PXDNL: variants seen among roughly 807,000 people sequenced by gnomAD.
PXDNL encodes peroxidasin like, also known as probable oxidoreductase PXDNL.
A neutral mutation model predicts 150.8 loss-of-function variants in PXDNL; 145 were observed. The ratio of observed to expected loss-of-function variants is 0.96; its 90% CI spans 0.84 to 1.10. The LOEUF is 1.10. PXDNL is among the 50% of genes least tolerant of loss of function. The pLI is 0.00. For synonymous variants in PXDNL, 757 were observed against 725.7 expected (o/e 1.04, Z -0.69); for missense variants, 2,087 against 1,873.9 (o/e 1.11, Z -2.10).
At chr8:51,683,164 C>T (rs866340687) in intron 1 of PXDNL, among the ~76,000 whole-genome samples, 12 of 44,448 alleles carry the variant, frequency 2.7e-4, no homozygotes, top group Admixed American at 1.0e-3. Flanking sequence ...AATTGTCTTT[C>T]ATATATATAT....
At chr8:51,694,097 C>A (rs996419251) in intron 1 of PXDNL, among the ~76,000 whole-genome samples, 2 of 152,170 alleles carry the variant, frequency 1.3e-5, no homozygotes, top group Non-Finnish European at 2.9e-5. Context: ...TAGTATCCTG[C>A]GGAAAAATGC....
In PXDNL at chr8:51,411,411, C is replaced by A. The variant is rs746227915; in HGVS notation, c.1905-4G>T. 5 of 1,568,528 alleles carry A rather than the reference C, an allele frequency of 3.2e-6. No homozygotes were observed. The African/African-American group carries it at 4.2e-5, about 13-fold the overall frequency. ...GTCACTGGAGGTGTGAGGTTTTCTG[C>A]AAATGACAAAACACATGATTCTTTA... On this transcript the variant is annotated splice_polypyrimidine_tract_variant and splice_region_variant and intron_variant, in intron 15 of 22. Transcript: ENST00000356297.
At position 51,411,507 on chromosome 8, in the gene PXDNL, G is replaced by C. The variant is rs578102343; in HGVS notation, c.1905-100C>G. 2.6e-3 allele frequency: 2,929 copies of C among 1,109,032 alleles called. 24 individuals carry two copies. Among genetic ancestry groups the C allele is most frequent in the South Asian group, 0.021 (988 of 46,664 alleles). The allele number at this position is 1,109,032 out of a possible 1,614,324, so 68.7% of individuals were successfully genotyped here. A position where few individuals can be genotyped will look rare whatever the true frequency, so the allele number is the denominator to read the frequency against. Reference sequence around the variant, plus strand: ...TTAAAAAGGCATTTCCCAAACATTCGAGAAGAATGAAAGCTCCACCACTAC... The same window carrying C: ...TTAAAAAGGCATTTCCCAAACATTCCAGAAGAATGAAAGCTCCACCACTAC... On this transcript the variant is annotated intron_variant, in intron 15 of 22. Coordinates refer to ENST00000356297, the MANE Select transcript of PXDNL (RefSeq NM_144651.5).
At chr8:51,405,059 C>A (rs993262587) in intron 17 of PXDNL, among the ~76,000 whole-genome samples, 3 of 152,188 alleles carry the variant, frequency 2.0e-5, no homozygotes, top group African/African-American at 7.2e-5. Context: ...GTGCTAAGCC[C>A]CTCACTGCCT....
chr8:51,658,344 G>GAAAAAA (rs34771782), intron 1 of PXDNL, among the ~76,000 whole-genome samples: 61 of 94,144 alleles, frequency 6.5e-4, no homozygotes, highest in African/African-American at 7.9e-4. Flanking sequence ...CCTGTCTCAA[G>GAAAAAA]AAAAAAAAAA....
chr8:51,468,751 A>C (rs931456042), intron 8 of PXDNL, among the ~76,000 whole-genome samples: 4 of 151,868 alleles, frequency 2.6e-5, no homozygotes, highest in Admixed American at 6.6e-5. Context: ...ATTCCATCTT[A>C]ATTGTTAATA....
intron 17 of PXDNL, among the ~76,000 whole-genome samples, chr8:51,394,231 G>C (rs551259466): frequency 1.3e-4 from 20 of 152,322 alleles, no homozygotes; most frequent in African/African-American, 4.1e-4. Flanking sequence ...TACAGAATGA[G>C]AGGTGATATA....
intron 1 of PXDNL, among the ~76,000 whole-genome samples, chr8:51,719,562 T>G (rs10093940): frequency 0.011 from 1,613 of 152,142 alleles, 25 homozygotes; most frequent in African/African-American, 0.032. Context: ...CTTGTTTATC[T>G]GCTGACTTTC....
At chr8:51,766,418 G>C (rs1379294134) in intron 1 of PXDNL, among the ~76,000 whole-genome samples, 2 of 152,174 alleles carry the variant, frequency 1.3e-5, no homozygotes, top group African/African-American at 2.4e-5. Context: ...TACCTATGTA[G>C]TATACTTTGC....
At chr8:51,330,376 C>A (rs1213432294) in intron 21 of PXDNL, among the ~76,000 whole-genome samples, 1 of 137,920 alleles carries the variant, frequency 7.3e-6, no homozygotes, top group African/African-American at 3.0e-5. Flanking sequence ...AATCTAAGAA[C>A]TACAGGGCAA....
intron 19 of PXDNL, among the ~76,000 whole-genome samples, chr8:51,355,054 A>G (rs1303077928): frequency 6.6e-6 from 1 of 152,168 alleles, no homozygotes; most frequent in African/African-American, 2.4e-5. Context: ...AGATGTCCTT[A>G]TGGTGTTCTA....
At chr8:51,701,203 C>T (rs1816251806) in intron 1 of PXDNL, among the ~76,000 whole-genome samples, 1 of 152,058 alleles carries the variant, frequency 6.6e-6, no homozygotes, top group Admixed American at 6.6e-5. Flanking sequence ...AATTCAGTTG[C>T]TAGCATTTAC....
chr8:51,547,150 C>G (rs545934664), intron 4 of PXDNL, among the ~76,000 whole-genome samples: 1 of 152,256 alleles, frequency 6.6e-6, no homozygotes, highest in South Asian at 2.1e-4. Flanking sequence ...CCTATCCTGA[C>G]CAATGTAGGG....
chr8:51,641,207 AG>A (rs1377011949), intron 2 of PXDNL, among the ~76,000 whole-genome samples: 1 of 138,300 alleles, frequency 7.2e-6, no homozygotes, highest in Non-Finnish European at 1.5e-5. Context: ...AATTAATTCA[AG>A]ATGGATTAAA....
chr8:51,622,829 C>G (rs1056619397), intron 2 of PXDNL, among the ~76,000 whole-genome samples: 2 of 152,222 alleles, frequency 1.3e-5, no homozygotes, highest in African/African-American at 4.8e-5. Flanking sequence ...TGGGCCCACT[C>G]TGGCCGGAGC....
intron 12 of PXDNL, among the ~76,000 whole-genome samples, chr8:51,428,067 A>T (rs1288989785): frequency 1.3e-5 from 2 of 152,236 alleles, no homozygotes; most frequent in African/African-American, 4.8e-5. Flanking sequence ...TATTTATTTT[A>T]TATGCAATCA....
chr8:51,363,530 C>T (rs960525125), intron 19 of PXDNL, among the ~76,000 whole-genome samples: 6 of 152,000 alleles, frequency 3.9e-5, no homozygotes, highest in Non-Finnish European at 5.9e-5. Context: ...CTGCATACAC[C>T]GGTAATTAGA....
chr8:51,627,398 C>A (rs566719921), intron 2 of PXDNL, among the ~76,000 whole-genome samples: 1 of 152,168 alleles, frequency 6.6e-6, no homozygotes, highest in East Asian at 1.9e-4. Flanking sequence ...AAAATCTTAA[C>A]CTTCATTAGG....
chr8:51,585,578 C>A (rs1385875073), intron 3 of PXDNL, among the ~76,000 whole-genome samples: 5 of 152,014 alleles, frequency 3.3e-5, no homozygotes, highest in African/African-American at 1.2e-4. Flanking sequence ...GAGTGGCCTT[C>A]ATCAAAAAAC....
Sources: gnomAD v4.1 joint callset for allele counts (sites outside exome capture counted in the v4.1 genomes callset) on GRCh38, gnomAD v4.1.1 for gene constraint, MANE v1.5 for transcripts, NCBI Gene and HGNC (gene_info 2026-07-23, HGNC 2026-07-21) for gene names.